The following GSG1L variants were observed in gnomAD, a reference collection of about 807,000 sequenced individuals.
GSG1L encodes GSG1 like.
A neutral mutation model predicts 42.1 loss-of-function variants in GSG1L; 24 were observed. That is an observed-to-expected ratio of 0.57 (90% CI 0.41 to 0.80). The LOEUF (loss-of-function observed/expected upper bound fraction) is 0.80. Among genes scored for constraint, GSG1L ranks in the 30% least tolerant of loss-of-function variants. The probability of loss-of-function intolerance (pLI) is 0.00; values close to 1 mark genes in which losing one functional copy is unlikely to be tolerated. For synonymous variants in GSG1L, 215 were observed against 203.5 expected, an observed-to-expected ratio of 1.06 and a Z score of -0.48; for missense variants, 445 against 472.2, an observed-to-expected ratio of 0.94 and a Z score of 0.53.
chr16:27,905,446 T>G (rs1363747), intron 2 of GSG1L, among the ~76,000 whole-genome samples: 119,744 of 151,474 alleles, frequency 0.79, 48,330 homozygotes, highest in Non-Finnish European at 0.9. Context: ...AACCTCCCAA[T>G]TAGCTGGGAC....
At chr16:27,900,141 G>T (rs1386876837) in intron 2 of GSG1L, among the ~76,000 whole-genome samples, 1 of 152,164 alleles carries the variant, frequency 6.6e-6, no homozygotes, top group East Asian at 1.9e-4. Context: ...TGTTTCCTGG[G>T]AATGCAGACA....
At chr16:27,876,540 G>A (rs571721042) in intron 3 of GSG1L, among the ~76,000 whole-genome samples, 3 of 152,322 alleles carry the variant, frequency 2.0e-5, no homozygotes, top group African/African-American at 4.8e-5. Context: ...TAAGGCAAAT[G>A]GCTCTGCAAA....
chr16:27,801,865 T>C (rs958790554), intron 6 of GSG1L, among the ~76,000 whole-genome samples: 3 of 152,160 alleles, frequency 2.0e-5, no homozygotes, highest in Admixed American at 6.6e-5. Context: ...GTAAAATGGG[T>C]CCGTATTTAG....
chr16:27,912,885 G>T (rs192021576), intron 2 of GSG1L, among the ~76,000 whole-genome samples: 88 of 152,354 alleles, frequency 5.8e-4, no homozygotes, highest in African/African-American at 2.0e-3. Context: ...ATAAATTGTG[G>T]TGTATTCACA....
chr16:27,937,912 T>C (rs776841197), intron 2 of GSG1L, among the ~76,000 whole-genome samples: 8 of 152,126 alleles, frequency 5.3e-5, no homozygotes, highest in Non-Finnish European at 8.8e-5. Context: ...TTTCATTCTT[T>C]TGTTGTGGCG....
At chr16:28,029,003 A>G (rs907163907) in intron 1 of GSG1L, among the ~76,000 whole-genome samples, 1 of 152,204 alleles carries the variant, frequency 6.6e-6, no homozygotes, top group East Asian at 1.9e-4. Flanking sequence ...GGCGACCCAC[A>G]TCAGCTGATG....
intron 4 of GSG1L, among the ~76,000 whole-genome samples, chr16:27,836,715 T>C (rs2083325006): frequency 6.6e-6 from 1 of 152,256 alleles, no homozygotes; most frequent in African/African-American, 2.4e-5. Context: ...CTTCTTTCTA[T>C]CTTCTACTTC....
chr16:28,006,972 G>A lies in GSG1L; in HGVS notation c.350-43769C>T, dbSNP rs563335850. 3.9e-5 allele frequency among the ~76,000 whole-genome samples: 6 copies of A among 152,272 alleles called. No homozygotes were observed. The East Asian group carries it at 5.8e-4, about 15-fold the overall frequency. The stretch of plus-strand genomic sequence containing the variant: ...ACAAAAAAAGCCAGGGGTTATCTGC[G>A]CCTGGTCAGGGAGACACTGAGAGCC... On this transcript the variant is annotated intron_variant, in intron 1 of 6. Coordinates refer to ENST00000447459, the MANE Select transcript of GSG1L (RefSeq NM_001109763.2).
At chr16:27,821,925 T>C (rs979163276) in intron 5 of GSG1L, among the ~76,000 whole-genome samples, 3 of 151,708 alleles carry the variant, frequency 2.0e-5, no homozygotes, top group Non-Finnish European at 2.9e-5. Flanking sequence ...AATAAATAAA[T>C]AAATAAATAA....
intron 3 of GSG1L, among the ~76,000 whole-genome samples, chr16:27,865,781 C>A (rs1256575047): frequency 6.6e-6 from 1 of 151,528 alleles, no homozygotes; most frequent in Admixed American, 6.6e-5. Flanking sequence ...CGGCTCACTG[C>A]AACCTCAAAC....
chr16:28,062,251 G>T (rs965059039), intron 1 of GSG1L, among the ~76,000 whole-genome samples: 1 of 152,176 alleles, frequency 6.6e-6, no homozygotes, highest in African/African-American at 2.4e-5. Context: ...TCCAAAACAC[G>T]CACTCCAGCC....
chr16:27,945,941 C>A (rs556796264), intron 2 of GSG1L, among the ~76,000 whole-genome samples: 1 of 152,346 alleles, frequency 6.6e-6, no homozygotes, highest in East Asian at 1.9e-4. Flanking sequence ...ACTCGGGTCC[C>A]CTCAGCTGCT....
chr16:27,889,279 C>A (rs369814963), intron 2 of GSG1L, among the ~76,000 whole-genome samples: 1 of 152,130 alleles, frequency 6.6e-6, no homozygotes, highest in Non-Finnish European at 1.5e-5. Context: ...TGTGCCCAGC[C>A]GAGTTGTGCT....
chr16:27,832,214 T>G (rs558687974), intron 4 of GSG1L, among the ~76,000 whole-genome samples: 5 of 152,220 alleles, frequency 3.3e-5, no homozygotes, highest in Non-Finnish European at 5.9e-5. Context: ...AGAAATGATA[T>G]AGAGAGAGAA....
intron 2 of GSG1L, among the ~76,000 whole-genome samples, chr16:27,926,776 G>A (rs556828042): frequency 2.6e-5 from 4 of 152,306 alleles, no homozygotes; most frequent in East Asian, 3.9e-4. Context: ...TGGGGTGAGC[G>A]CTTAGCAGTA....
At chr16:28,048,269 A>G (rs901900538) in intron 1 of GSG1L, among the ~76,000 whole-genome samples, 1 of 152,066 alleles carries the variant, frequency 6.6e-6, no homozygotes, top group Non-Finnish European at 1.5e-5. Flanking sequence ...AAATAATACT[A>G]TCTATAAAAC....
At chr16:27,908,541 A>T (rs1484805116) in intron 2 of GSG1L, among the ~76,000 whole-genome samples, 1 of 152,158 alleles carries the variant, frequency 6.6e-6, no homozygotes, top group Non-Finnish European at 1.5e-5. Flanking sequence ...GGTAATTTTT[A>T]AAAAACAGAA....
At chr16:28,036,918 A>C (rs1226694563) in intron 1 of GSG1L, among the ~76,000 whole-genome samples, 1 of 152,232 alleles carries the variant, frequency 6.6e-6, no homozygotes, top group Non-Finnish European at 1.5e-5. Flanking sequence ...GTAGCCGGAA[A>C]CTACGTTTCC....
intron 1 of GSG1L, among the ~76,000 whole-genome samples, chr16:27,970,001 A>T (rs896694827): frequency 6.6e-6 from 1 of 152,052 alleles, no homozygotes; most frequent in Non-Finnish European, 1.5e-5. Context: ...CCATTTCTAT[A>T]TCTTCTTTGG....
Sources: gnomAD v4.1 joint callset for allele counts (sites outside exome capture counted in the v4.1 genomes callset) on GRCh38, gnomAD v4.1.1 for gene constraint, MANE v1.5 for transcripts, NCBI Gene and HGNC (gene_info 2026-07-23, HGNC 2026-07-21) for gene names.